The following CCDC38 variants were observed in gnomAD, a reference collection of about 807,000 sequenced individuals.
CCDC38 encodes coiled-coil domain-containing protein 38.
A neutral mutation model predicts 72.8 loss-of-function variants in CCDC38; 69 were observed. The ratio of observed to expected loss-of-function variants is 0.95; its 90% confidence interval spans 0.78 to 1.16. The LOEUF (loss-of-function observed/expected upper bound fraction) is 1.16. CCDC38 is among the 50% of genes most tolerant of loss of function. The pLI, the probability that CCDC38 is intolerant of heterozygous loss-of-function variation, is 0.00. For missense variants in CCDC38, 626 were observed against 638.9 expected (o/e 0.98, Z 0.22); for synonymous variants, 201 against 213.2 (o/e 0.94, Z 0.50).
intron 4 of CCDC38, among the ~76,000 whole-genome samples, chr12:95,914,594 AACC>A (rs949227690): frequency 1.3e-4 from 20 of 152,244 alleles, no homozygotes; most frequent in African/African-American, 4.8e-4. Flanking sequence ...ATAACCATAA[AACC>A]ACCATCACCC....
At chr12:95,915,810 A>G (rs2080138150) in intron 4 of CCDC38, among the ~76,000 whole-genome samples, 1 of 152,180 alleles carries the variant, frequency 6.6e-6, no homozygotes, top group African/African-American at 2.4e-5. Context: ...AATGCCAAAC[A>G]ATTTTACTGT....
chr12:95,936,342 G>T (rs2080393613), intron 2 of CCDC38, 131 bp downstream of exon 2: 3 of 752,044 alleles, frequency 4.0e-6, no homozygotes, highest in South Asian at 3.0e-5. Flanking sequence ...AATCTTCTCT[G>T]CAGGTAGTTT....
intron 5 of CCDC38, among the ~76,000 whole-genome samples, chr12:95,900,976 C>T (rs142167194): frequency 3.3e-5 from 5 of 152,030 alleles, no homozygotes; most frequent in Non-Finnish European, 7.4e-5. Flanking sequence ...CAGATCAAGT[C>T]GCTAGAGGCC....
intron 13 of CCDC38, among the ~76,000 whole-genome samples, chr12:95,873,107 T>G (rs774161313): frequency 6.6e-6 from 1 of 152,222 alleles, no homozygotes; most frequent in Admixed American, 6.5e-5. Flanking sequence ...ATCGTTTTTT[T>G]GCCACTCGGA....
In CCDC38 at chr12:95,872,429, A is replaced by G; in HGVS notation, c.1310T>C (p.Ile437Thr). 1 of 1,613,976 alleles carries G rather than the reference A, an allele frequency of 6.2e-7. No individual in the cohort carries two copies. The highest frequency in any genetic ancestry group is 8.5e-7 in the Non-Finnish European group (1 of 1,179,864). Residue 437 changes from isoleucine to threonine, a missense_variant, in exon 14 of 16, where the codon ATT becomes ACT. By Grantham distance (89) the Ile-to-Thr change is moderately conservative. Coordinates refer to ENST00000344280, the MANE Select transcript of CCDC38 (RefSeq NM_182496.3). ...AATGCAGACTTTGTATACTTGAGTA[A>G]TCTTTTTACTAAGTGAGTCTATCAG... is the stretch of plus-strand genomic sequence containing the variant. The part of the protein sequence containing the change: ...EILIDSLSKK[I>T]TQVYKVCIGD...
At chr12:95,903,600 T>G (rs2079971981) in intron 5 of CCDC38, 8 of 576,722 alleles carry the variant, frequency 1.4e-5, no homozygotes, top group Non-Finnish European at 2.5e-5. Flanking sequence ...CCATCAAGAA[T>G]GAATTTTGGA....
intron 8 of CCDC38, among the ~76,000 whole-genome samples, chr12:95,894,048 G>A (rs970337087): frequency 2.6e-5 from 4 of 151,956 alleles, no homozygotes; most frequent in African/African-American, 9.7e-5. Flanking sequence ...GTGAAACCCC[G>A]TCTCTACTAA....
chr12:95,936,757 A>G (rs1470879067), intron 1 of CCDC38, among the ~76,000 whole-genome samples: 1 of 152,242 alleles, frequency 6.6e-6, no homozygotes, highest in Non-Finnish European at 1.5e-5. Flanking sequence ...TTTCATAAAT[A>G]CAGAGTTGAC....
In CCDC38 at chr12:95,907,092, T is replaced by C. The variant is rs534591265; in HGVS notation, c.305-641A>G. Among the ~76,000 whole-genome samples the C allele has an allele frequency of 3.3e-3, 507 of 151,578 alleles. 2 individuals carry two copies. The highest frequency in any genetic ancestry group is 5.4e-3 in the Non-Finnish European group (366 of 67,764). On this transcript the variant is annotated intron_variant, in intron 4 of 15. Coordinates refer to ENST00000344280, the MANE Select transcript of CCDC38 (RefSeq NM_182496.3). ...CATCTTGCACCGTCCTTAATCCATT[T>C]AACCCTGAGTGGACACAGCACATGT...
At chr12:95,927,298 G>C (rs1349726671) in intron 2 of CCDC38, among the ~76,000 whole-genome samples, 2 of 151,620 alleles carry the variant, frequency 1.3e-5, no homozygotes, top group Non-Finnish European at 2.9e-5. Context: ...ATTATGTAAT[G>C]GCCTTGTCTC....
chr12:95,937,834 G>A (rs990178483), intron 1 of CCDC38, among the ~76,000 whole-genome samples: 2 of 152,212 alleles, frequency 1.3e-5, no homozygotes, highest in East Asian at 3.8e-4. Flanking sequence ...ACTGTTCTAC[G>A]TGTGGGGGAC....
chr12:95,885,510 C>A, intron 10 of CCDC38: 1 of 178,120 alleles, frequency 5.6e-6, no homozygotes, highest in South Asian at 1.7e-4. Context: ...CTTGTGGGAT[C>A]AAGAAAATTA....
Position 95,908,443 on chromosome 12 carries a change from AAG to A in CCDC38, c.305-1994_305-1993del, listed in dbSNP as rs1491481169. Among the ~76,000 whole-genome samples the A allele has an allele frequency of 1.2e-3, 54 of 45,968 alleles. 1 individual carries two copies. The highest frequency in any genetic ancestry group is 7.9e-3 in the Middle Eastern group (1 of 126). The allele number at this position is 45,968 out of a possible 152,430, so 30.2% of individuals were successfully genotyped here. A position where few individuals can be genotyped will look rare whatever the true frequency, so the allele number is the denominator to read the frequency against. On this transcript the variant is annotated intron_variant, in intron 4 of 15. Transcript: ENST00000344280. ...TCCAGCTTCAGAGGGAGACCGTGGA[AAG>A]AGGGAGAGGGAGAGGGAGAGGGAGA...
At chr12:95,903,769 T>C in intron 5 of CCDC38, 1 of 269,254 alleles carries the variant, frequency 3.7e-6, no homozygotes, top group Non-Finnish European at 6.9e-6. Context: ...CTTTTTAGTA[T>C]TATTGGATTT....
intron 14 of CCDC38, among the ~76,000 whole-genome samples, chr12:95,871,340 G>A (rs2079578290): frequency 6.6e-6 from 1 of 152,168 alleles, no homozygotes; most frequent in Non-Finnish European, 1.5e-5. Context: ...TTAGGTATAA[G>A]TAGTTGAGAA....
chr12:95,874,131 A>T (rs1428951409), intron 13 of CCDC38, among the ~76,000 whole-genome samples: 1 of 151,772 alleles, frequency 6.6e-6, no homozygotes, highest in Non-Finnish European at 1.5e-5. Flanking sequence ...ACAGAAAAAT[A>T]TAAAAGAAAA....
intron 8 of CCDC38, among the ~76,000 whole-genome samples, chr12:95,892,077 T>G (rs939592969): frequency 7.2e-6 from 1 of 139,274 alleles, no homozygotes; most frequent in African/African-American, 2.8e-5. Context: ...AAGGGATCAC[T>G]CTGCTTTTTT....
intron 5 of CCDC38, chr12:95,903,463 C>T (rs2079970424): frequency 2.9e-6 from 2 of 700,082 alleles, no homozygotes; most frequent in Non-Finnish European, 5.2e-6. Context: ...TTGCCTTGTT[C>T]CTAATCTTAG....
chr12:95,923,803 T>G (rs1405276464), intron 2 of CCDC38, among the ~76,000 whole-genome samples: 1 of 149,046 alleles, frequency 6.7e-6, no homozygotes, highest in African/African-American at 2.5e-5. Flanking sequence ...TTTGGTTTTT[T>G]GTTCTTGCGA....
Sources: gnomAD v4.1 joint callset for allele counts (sites outside exome capture counted in the v4.1 genomes callset) on GRCh38, gnomAD v4.1.1 for gene constraint, MANE v1.5 for transcripts, NCBI Gene and HGNC (gene_info 2026-07-23, HGNC 2026-07-21) for gene names.